Variants in FILIP1L observed in about 807,000 individuals in gnomAD.
The protein encoded by FILIP1L is filamin A-interacting protein 1-like.
Under a neutral mutation model 96.6 loss-of-function variants are expected in FILIP1L, and 55 were observed. That is an observed-to-expected ratio of 0.57 (90% CI 0.46 to 0.71). FILIP1L has a LOEUF of 0.71. FILIP1L is among the 30% of genes least tolerant of loss of function. FILIP1L has a pLI of 0.00. For missense variants in FILIP1L, 1,304 were observed against 1,321.2 expected (o/e 0.99, Z 0.20); for synonymous variants, 467 against 473.9 (o/e 0.99, Z 0.19).
At chr3:100,002,959 A>G (rs1709885737) in intron 1 of FILIP1L, among the ~76,000 whole-genome samples, 1 of 152,196 alleles carries the variant, frequency 6.6e-6, no homozygotes, top group Non-Finnish European at 1.5e-5. Flanking sequence ...GGGTTGCATC[A>G]GAGTCCAGGC....
intron 1 of FILIP1L, among the ~76,000 whole-genome samples, chr3:99,944,194 T>G (rs1212525515): frequency 6.6e-6 from 1 of 151,902 alleles, no homozygotes; most frequent in South Asian, 2.1e-4. Context: ...ATTTTAAGAG[T>G]GTGTGTTATT....
chr3:99,912,308 C>A lies in FILIP1L; in HGVS notation c.605+11922G>T, dbSNP rs139335215. 1.8e-4 allele frequency among the ~76,000 whole-genome samples: 28 copies of A among 152,306 alleles called. No individual in the cohort carries two copies. In the East Asian group the frequency reaches 5.2e-3, roughly 28 times the overall value. On this transcript the variant is annotated intron_variant, in intron 4 of 5. Transcript: ENST00000477258. ...CCCAGAATAGGCAAAACCATAGAGA[C>A]AGAAAGGAGATCAGTGGTTTCTAGC...
intron 4 of FILIP1L, among the ~76,000 whole-genome samples, chr3:99,870,120 G>A (rs1253452164): frequency 6.6e-6 from 1 of 152,138 alleles, no homozygotes; most frequent in East Asian, 1.9e-4. Context: ...GAGGGTTATT[G>A]CTCATTATTC....
intron 1 of FILIP1L, among the ~76,000 whole-genome samples, chr3:99,976,015 G>T (rs917347728): frequency 1.3e-5 from 2 of 152,154 alleles, no homozygotes; most frequent in Non-Finnish European, 2.9e-5. Flanking sequence ...CTCCCAAGTA[G>T]CTGGGACTAC....
chr3:99,858,082 C>T (rs549659519), intron 4 of FILIP1L, among the ~76,000 whole-genome samples: 1 of 152,198 alleles, frequency 6.6e-6, no homozygotes, highest in African/African-American at 2.4e-5. Flanking sequence ...CCTTTACACT[C>T]AAAAAATTTT....
chr3:99,986,076 G>A (rs757084528), intron 1 of FILIP1L, among the ~76,000 whole-genome samples: 1 of 152,124 alleles, frequency 6.6e-6, no homozygotes, highest in African/African-American at 2.4e-5. Context: ...ATGTCTATAA[G>A]ATATTAAAAT....
At chr3:100,079,825 A>T (rs1158942618) in intron 1 of FILIP1L, among the ~76,000 whole-genome samples, 2 of 152,226 alleles carry the variant, frequency 1.3e-5, no homozygotes, top group African/African-American at 4.8e-5. Context: ...CTAAAAAAAA[A>T]AATCAAGATT....
At chr3:99,977,537 A>G (rs1709007030) in intron 1 of FILIP1L, among the ~76,000 whole-genome samples, 1 of 152,174 alleles carries the variant, frequency 6.6e-6, no homozygotes, top group Admixed American at 6.6e-5. Context: ...TGGGAATGTA[A>G]GCAAGTAATT....
intron 5 of FILIP1L, among the ~76,000 whole-genome samples, chr3:99,844,123 C>CACT (rs1943258216): frequency 6.6e-6 from 1 of 152,094 alleles, no homozygotes; most frequent in Admixed American, 6.5e-5. Flanking sequence ...GGCTCACTGC[C>CACT]ACTACCCAGC....
chr3:99,879,938 C>A (rs975561804), intron 4 of FILIP1L, among the ~76,000 whole-genome samples: 1 of 152,092 alleles, frequency 6.6e-6, no homozygotes, highest in Non-Finnish European at 1.5e-5. Flanking sequence ...GTTGGATTGG[C>A]CAGAATATGA....
At chr3:100,093,033 A>G (rs1399350900) in intron 1 of FILIP1L, among the ~76,000 whole-genome samples, 1 of 152,136 alleles carries the variant, frequency 6.6e-6, no homozygotes, top group Non-Finnish European at 1.5e-5. Flanking sequence ...AAATACGTTG[A>G]AGGAGTAGAG....
chr3:99,965,782 G>A (rs1708631876), intron 1 of FILIP1L, among the ~76,000 whole-genome samples: 1 of 152,220 alleles, frequency 6.6e-6, no homozygotes, highest in African/African-American at 2.4e-5. Flanking sequence ...ATTAGGGGGA[G>A]GGTGTTAAAT....
intron 1 of FILIP1L, among the ~76,000 whole-genome samples, chr3:99,946,232 A>G (rs893425323): frequency 6.6e-6 from 1 of 152,198 alleles, no homozygotes; most frequent in Non-Finnish European, 1.5e-5. Context: ...CCTGGATACT[A>G]TTGTGATTGA....
In FILIP1L at chr3:100,037,957, G is replaced by GC. The variant is rs1232268596; in HGVS notation, c.-11+76095_-11+76096insG. ...CGCTTTTCTTTTTTTTTTTTTTTTTGGGGGGGGAGGGAACAGAGTCTCAAA... is the reference window on the plus strand; with the variant it reads ...CGCTTTTCTTTTTTTTTTTTTTTTTGCGGGGGGGAGGGAACAGAGTCTCAAA... On this transcript the variant is annotated intron_variant, in intron 1 of 5. Transcript: ENST00000477258. Among the ~76,000 whole-genome samples the GC allele has an allele frequency of 3.8e-3, 41 of 10,654 alleles. 2 individuals carry two copies. Among genetic ancestry groups the GC allele is most frequent in the East Asian group, 0.027 (5 of 184 alleles). 7.0% of individuals were successfully genotyped at this position (10,654 alleles called of 152,430 possible). A position where few individuals can be genotyped will look rare whatever the true frequency, so the allele number is the denominator to read the frequency against.
At chr3:100,045,546 C>T (rs1467924548) in intron 1 of FILIP1L, among the ~76,000 whole-genome samples, 1 of 152,010 alleles carries the variant, frequency 6.6e-6, no homozygotes, top group Non-Finnish European at 1.5e-5. Flanking sequence ...TATAATTCTC[C>T]CCCTGAAAAA....
At chr3:99,947,812 A>T (rs1437553066) in intron 1 of FILIP1L, among the ~76,000 whole-genome samples, 1 of 152,234 alleles carries the variant, frequency 6.6e-6, no homozygotes, top group East Asian at 1.9e-4. Context: ...AAAGTTGAGA[A>T]TTTGAAAATG....
At chr3:99,865,746 A>C (rs190420945) in intron 4 of FILIP1L, among the ~76,000 whole-genome samples, 1 of 151,746 alleles carries the variant, frequency 6.6e-6, no homozygotes, top group African/African-American at 2.4e-5. Flanking sequence ...CTTCAAGGGC[A>C]TAATAATAAA....
chr3:100,107,909 G>T (rs1262398637), intron 1 of FILIP1L, among the ~76,000 whole-genome samples: 1 of 151,660 alleles, frequency 6.6e-6, no homozygotes, highest in Non-Finnish European at 1.5e-5. Flanking sequence ...ACTTGCTTAG[G>T]GCCAGAGAAT....
intron 4 of FILIP1L, among the ~76,000 whole-genome samples, chr3:99,921,627 CAG>C (rs778130007): frequency 1.3e-5 from 2 of 152,170 alleles, no homozygotes; most frequent in African/African-American, 2.4e-5. Flanking sequence ...AATGGCTAAA[CAG>C]AGTGATAGAC....
Sources: allele counts gnomAD v4.1 joint callset (sites outside exome capture counted in the v4.1 genomes callset), GRCh38; gene constraint gnomAD v4.1.1; transcripts MANE v1.5; gene names NCBI Gene and HGNC (gene_info 2026-07-23, HGNC 2026-07-21).